The following RAD51B variants were observed in gnomAD, a reference collection of about 807,000 sequenced individuals.
The protein encoded by RAD51B is RAD51 paralog B.
In RAD51B, 38 loss-of-function variants were observed where a neutral mutation model predicts 42.2. That is an observed-to-expected ratio of 0.90 (90% CI 0.70 to 1.18). The LOEUF (loss-of-function observed/expected upper bound fraction) is 1.18, where lower values mean the gene tolerates loss of function less well. Ranked by LOEUF, RAD51B falls within the 50% of genes most tolerant of loss-of-function variation. RAD51B has a pLI of 0.00. For synonymous variants in RAD51B, 154 were observed against 145.2 expected (o/e 1.06, Z -0.43); for missense variants, 373 against 400.7 (o/e 0.93, Z 0.59).
intron 8 of RAD51B, among the ~76,000 whole-genome samples, chr14:68,367,633 G>A (rs1325812175): frequency 2.6e-5 from 4 of 152,114 alleles, no homozygotes; most frequent in African/African-American, 2.4e-5. Flanking sequence ...GAGATGAGTC[G>A]ACAGCACAGG....
chr14:68,029,252 G>A (rs2076003416), intron 7 of RAD51B, among the ~76,000 whole-genome samples: 1 of 152,052 alleles, frequency 6.6e-6, no homozygotes, highest in African/African-American at 2.4e-5. Flanking sequence ...TCTCTTGTGG[G>A]GAGCAGTGCT....
At chr14:68,417,623 C>T (rs570903547) in intron 9 of RAD51B, among the ~76,000 whole-genome samples, 4 of 152,152 alleles carry the variant, frequency 2.6e-5, no homozygotes, top group South Asian at 2.1e-4. Flanking sequence ...GGAAATCCTA[C>T]GGAAAGTGTG....
intron 5 of RAD51B, among the ~76,000 whole-genome samples, chr14:67,871,315 GC>G: frequency 6.6e-6 from 1 of 152,068 alleles, no homozygotes; most frequent in African/African-American, 2.4e-5. Context: ...ACACCTCTAT[GC>G]AAATAAACTA....
intron 10 of RAD51B, among the ~76,000 whole-genome samples, chr14:68,523,867 T>G (rs985920716): frequency 2.0e-5 from 3 of 152,234 alleles, no homozygotes; most frequent in African/African-American, 7.2e-5. Flanking sequence ...AAGGGTCAAA[T>G]GTATTCCTAT....
At chr14:68,608,238 C>T (rs1057333582) in intron 10 of RAD51B, among the ~76,000 whole-genome samples, 1 of 152,220 alleles carries the variant, frequency 6.6e-6, no homozygotes, top group East Asian at 1.9e-4. Context: ...CAAACAACTC[C>T]AAACTGAAGC....
intron 10 of RAD51B, among the ~76,000 whole-genome samples, chr14:68,485,735 A>G (rs1447198635): frequency 6.6e-6 from 1 of 152,220 alleles, no homozygotes; most frequent in Non-Finnish European, 1.5e-5. Context: ...CTTGACTAAG[A>G]AGTCCCAAAT....
At chr14:68,629,983 C>T (rs942719169) in intron 10 of RAD51B, among the ~76,000 whole-genome samples, 1 of 152,208 alleles carries the variant, frequency 6.6e-6, no homozygotes, top group Non-Finnish European at 1.5e-5. Flanking sequence ...AGGTTTGGTC[C>T]CTTCTAACAT....
At chr14:68,076,367 C>T (rs1039114673) in intron 7 of RAD51B, among the ~76,000 whole-genome samples, 1 of 152,088 alleles carries the variant, frequency 6.6e-6, no homozygotes, top group African/African-American at 2.4e-5. Flanking sequence ...GTTAATTTTT[C>T]AAGAACAGGT....
intron 10 of RAD51B, among the ~76,000 whole-genome samples, chr14:68,493,743 A>G (rs1219661629): frequency 6.6e-6 from 1 of 152,198 alleles, no homozygotes; most frequent in African/African-American, 2.4e-5. Flanking sequence ...TAAATCTCCC[A>G]ATGCTTTATG....
intron 4 of RAD51B, among the ~76,000 whole-genome samples, chr14:67,852,403 G>A (rs990727205): frequency 6.6e-6 from 1 of 152,200 alleles, no homozygotes; most frequent in Non-Finnish European, 1.5e-5. Flanking sequence ...ACTCCATGTG[G>A]GGTTGAGCTT....
intron 7 of RAD51B, among the ~76,000 whole-genome samples, chr14:68,057,125 A>G (rs1367850046): frequency 6.6e-6 from 1 of 151,856 alleles, no homozygotes; most frequent in Non-Finnish European, 1.5e-5. Context: ...GGAAATATTT[A>G]TTGGGTTGGG....
At chr14:68,436,184 G>C (rs910404714) in intron 9 of RAD51B, among the ~76,000 whole-genome samples, 1 of 152,230 alleles carries the variant, frequency 6.6e-6, no homozygotes, top group African/African-American at 2.4e-5. Flanking sequence ...TCCACCTTGA[G>C]TTAATTTTTA....
chr14:68,625,077 A>G (rs961044681), intron 10 of RAD51B, among the ~76,000 whole-genome samples: 1 of 152,184 alleles, frequency 6.6e-6, no homozygotes, highest in African/African-American at 2.4e-5. Flanking sequence ...TCACACAGCC[A>G]ATAAGTGGTG....
intron 10 of RAD51B, among the ~76,000 whole-genome samples, chr14:68,542,317 A>T (rs1888009841): frequency 3.3e-5 from 5 of 152,226 alleles, no homozygotes; most frequent in Admixed American, 3.3e-4. Context: ...ATGGCCGAAG[A>T]AAACTTGTTC....
intron 11 of RAD51B, among the ~76,000 whole-genome samples, chr14:68,658,750 G>A (rs1302467725): frequency 6.6e-6 from 1 of 152,188 alleles, no homozygotes; most frequent in African/African-American, 2.4e-5. Flanking sequence ...CAACACCATT[G>A]TCATCACCAT....
chr14:68,335,201 G>A (rs750006562), intron 8 of RAD51B, among the ~76,000 whole-genome samples: 8 of 148,304 alleles, frequency 5.4e-5, no homozygotes, highest in Non-Finnish European at 8.9e-5. Flanking sequence ...GGAAGCTGAA[G>A]CAGGAGTATC....
At chr14:68,396,290 T>A (rs1258324473) in intron 8 of RAD51B, among the ~76,000 whole-genome samples, 1 of 152,220 alleles carries the variant, frequency 6.6e-6, no homozygotes, top group Non-Finnish European at 1.5e-5. Flanking sequence ...TACTATGTCG[T>A]TGTCCCTCTT....
At chr14:68,230,936 A>T (rs560969668) in intron 7 of RAD51B, among the ~76,000 whole-genome samples, 32 of 152,244 alleles carry the variant, frequency 2.1e-4, no homozygotes, top group Non-Finnish European at 4.3e-4. Context: ...AGGGCCAGTC[A>T]TTGGAGTTAA....
At chr14:68,479,667 C>CTTTTTTTTTTTT (rs34999023), downstream of RAD51B, among the ~76,000 whole-genome samples, 22 of 96,444 alleles carry the variant, frequency 2.3e-4, no homozygotes, top group East Asian at 3.6e-4. Flanking sequence ...TCTTATTCTT[C>CTTTTTTTTTTTT]TTTTTTTTTT....
Sources: allele counts gnomAD v4.1 joint callset (sites outside exome capture counted in the v4.1 genomes callset), GRCh38; gene constraint gnomAD v4.1.1; transcripts MANE v1.5; gene names NCBI Gene and HGNC (gene_info 2026-07-23, HGNC 2026-07-21).